NBAS: variants seen among roughly 807,000 people sequenced by gnomAD.
The protein encoded by NBAS is NBAS subunit of NRZ tethering complex.
A neutral mutation model predicts 302.5 loss-of-function variants in NBAS; 219 were observed. That is an observed-to-expected ratio of 0.72 (90% CI 0.65 to 0.81). The LOEUF is 0.81. Ranked by LOEUF, NBAS falls within the 30% of genes least tolerant of loss-of-function variation. The pLI is 0.00. For synonymous variants in NBAS, 1,118 were observed against 1,021.6 expected (o/e 1.09, Z -1.80); for missense variants, 2,932 against 2,841.6 (o/e 1.03, Z -0.72).
rs1214830966 is a variant in NBAS, at chr2:15,443,290, A to T, written c.2340-15496T>A. Among the ~76,000 whole-genome samples the T allele has an allele frequency of 4.0e-5, 6 of 150,900 alleles. No homozygotes were observed. The South Asian group carries it at 1.0e-3, about 26-fold the overall frequency. On this transcript the variant is annotated intron_variant, in intron 21 of 51. Transcript: ENST00000281513. ...CAAACCGAATCCAGCAGCACATCAAAAAGCTTATCCACCATGATCAAGTGG... is the reference window on the plus strand; with the variant it reads ...CAAACCGAATCCAGCAGCACATCAATAAGCTTATCCACCATGATCAAGTGG...
the NBAS span, among the ~76,000 whole-genome samples, chr2:15,055,974 G>T: frequency 6.6e-6 from 1 of 151,860 alleles, no homozygotes; most frequent in Non-Finnish European, 1.5e-5. Context: ...CCTTTTACTT[G>T]TATTTAATTT....
chr2:14,900,646 A>G, the NBAS span, among the ~76,000 whole-genome samples: 1 of 152,342 alleles, frequency 6.6e-6, no homozygotes, highest in Non-Finnish European at 1.5e-5. Flanking sequence ...TTAATTTGAC[A>G]AACTTTTCTG....
chr2:15,555,628 A>G (rs1225360303), intron 3 of NBAS, among the ~76,000 whole-genome samples: 2 of 152,218 alleles, frequency 1.3e-5, no homozygotes, highest in Non-Finnish European at 2.9e-5. Flanking sequence ...TAAACTCAAG[A>G]GCACAAATTG....
chr2:14,934,827 T>C, the NBAS span, among the ~76,000 whole-genome samples: 3 of 152,266 alleles, frequency 2.0e-5, no homozygotes, highest in South Asian at 6.2e-4. Flanking sequence ...GATCCAAAAT[T>C]ATTTTCTCTC....
intron 44 of NBAS, among the ~76,000 whole-genome samples, chr2:15,261,208 T>C (rs1265056549): frequency 6.6e-6 from 1 of 152,266 alleles, no homozygotes; most frequent in African/African-American, 2.4e-5. Flanking sequence ...TGCCAAATGC[T>C]GTGTGTGCTT....
At chr2:15,481,852 T>C (rs1680440798) in intron 12 of NBAS, among the ~76,000 whole-genome samples, 1 of 152,190 alleles carries the variant, frequency 6.6e-6, no homozygotes, top group Non-Finnish European at 1.5e-5. Context: ...CCAAGGTTCA[T>C]CACAGAAACT....
the NBAS span, among the ~76,000 whole-genome samples, chr2:14,823,166 C>A: frequency 2.6e-5 from 4 of 152,200 alleles, no homozygotes; most frequent in Non-Finnish European, 5.9e-5. Flanking sequence ...TTCCAGTGTG[C>A]ATTAATGAGC....
intron 12 of NBAS, among the ~76,000 whole-genome samples, chr2:15,484,646 C>G (rs1680552671): frequency 6.6e-6 from 1 of 152,150 alleles, no homozygotes; most frequent in Non-Finnish European, 1.5e-5. Context: ...TTCCAATAAT[C>G]CTTCTCCCCA....
chr2:15,075,289 C>T, the NBAS span, among the ~76,000 whole-genome samples: 1 of 152,160 alleles, frequency 6.6e-6, no homozygotes, highest in Non-Finnish European at 1.5e-5. Flanking sequence ...TGCTGCAGAT[C>T]CATTCTCCAC....
chr2:15,451,048 A>T (rs568570828), intron 21 of NBAS, among the ~76,000 whole-genome samples: 13 of 152,060 alleles, frequency 8.5e-5, no homozygotes, highest in African/African-American at 2.9e-4. Context: ...TCATTCATTC[A>T]TCCATTTATT....
chr2:14,894,612 C>T, the NBAS span, among the ~76,000 whole-genome samples: 6 of 151,784 alleles, frequency 4.0e-5, no homozygotes, highest in Admixed American at 1.3e-4. Context: ...GTAATATAAA[C>T]ACTGAATATT....
chr2:15,308,128 G>A, intron 40 of NBAS, 88 bp downstream of exon 40: 3 of 1,582,652 alleles, frequency 1.9e-6, no homozygotes, highest in South Asian at 1.1e-5. Flanking sequence ...TATGTAATCA[G>A]TTCCTCCAAA....
the NBAS span, among the ~76,000 whole-genome samples, chr2:15,104,499 A>C: frequency 8.2e-6 from 1 of 122,452 alleles, no homozygotes; most frequent in Non-Finnish European, 1.7e-5. Context: ...TTTATCTGCT[A>C]CTTTTTTTTT....
At chr2:15,557,728 A>C (rs77955074) in intron 2 of NBAS, among the ~76,000 whole-genome samples, 11,055 of 152,200 alleles carry the variant, frequency 0.073, 483 homozygotes, top group East Asian at 0.13. Context: ...ATTCCAAATG[A>C]ATGACCTTGA....
intron 22 of NBAS, 137 bp from the exon 23 acceptor site, chr2:15,424,605 A>G (rs1402004088): frequency 2.1e-6 from 2 of 940,416 alleles, no homozygotes; most frequent in Non-Finnish European, 3.4e-6. Flanking sequence ...TTGTGTATCT[A>G]TCACATGCAC....
the NBAS span, among the ~76,000 whole-genome samples, chr2:15,041,037 T>G: frequency 2.0e-5 from 3 of 152,230 alleles, no homozygotes; most frequent in Non-Finnish European, 4.4e-5. Context: ...AAAGCTCAAC[T>G]GTGATCACAT....
At chr2:15,347,748 T>C (rs139034028) in intron 35 of NBAS, among the ~76,000 whole-genome samples, 146 of 152,338 alleles carry the variant, frequency 9.6e-4, no homozygotes, top group African/African-American at 3.4e-3. Flanking sequence ...CTCTAAGTGG[T>C]AGAATACTGT....
At chr2:15,266,070 A>C (rs1461472927) in intron 44 of NBAS, among the ~76,000 whole-genome samples, 3 of 152,288 alleles carry the variant, frequency 2.0e-5, no homozygotes, top group Non-Finnish European at 4.4e-5. Flanking sequence ...CTGCTGTGAT[A>C]GTGAGTGAGT....
intron 6 of NBAS, among the ~76,000 whole-genome samples, chr2:15,544,888 G>C (rs1664028350): frequency 1.3e-5 from 2 of 152,092 alleles, no homozygotes; most frequent in South Asian, 2.1e-4. Flanking sequence ...GTGCACGCCT[G>C]TGATCCCAGC....
Sources: gnomAD v4.1 joint callset for allele counts (sites outside exome capture counted in the v4.1 genomes callset) on GRCh38, gnomAD v4.1.1 for gene constraint, MANE v1.5 for transcripts, NCBI Gene and HGNC (gene_info 2026-07-23, HGNC 2026-07-21) for gene names.